KHDRBS2: variants seen among roughly 807,000 people sequenced by gnomAD.
KHDRBS2 encodes KH RNA binding domain containing, signal transduction associated 2, also known as KH domain-containing, RNA-binding, signal transduction-associated protein 2.
Under a neutral mutation model 44.3 loss-of-function variants are expected in KHDRBS2, and 26 were observed. The observed-to-expected ratio is 0.59, with a 90% CI of 0.43 to 0.81. The LOEUF (loss-of-function observed/expected upper bound fraction) is 0.81. Among genes scored for constraint, KHDRBS2 ranks in the 40% least tolerant of loss-of-function variants. KHDRBS2 has a pLI of 0.00. For missense variants in KHDRBS2, 476 were observed against 433.1 expected (o/e 1.10, Z -0.88); for synonymous variants, 194 against 151.1 (o/e 1.28, Z -2.08).
At position 62,073,466 on chromosome 6, in the gene KHDRBS2, G is replaced by A. The variant is rs751592356; in HGVS notation, c.220-25472C>T. The stretch of plus-strand genomic sequence containing the variant: ...GTCTCTTTTTCCTTTCAGTCTAATT[G>A]TTTGCTAATTTTGCTCATCTTTACA... On this transcript the variant is annotated intron_variant, in intron 2 of 8. Coordinates refer to ENST00000281156, the MANE Select transcript of KHDRBS2 (RefSeq NM_152688.4). 2.1e-4 allele frequency among the ~76,000 whole-genome samples: 31 copies of A among 145,590 alleles called. 1 individual carries two copies. Among genetic ancestry groups the A allele is most frequent in the Non-Finnish European group, 3.8e-4 (25 of 66,246 alleles).
Position 61,697,232 on chromosome 6 carries a change from G to T in KHDRBS2, c.915C>A (p.Tyr305Ter). The T allele has an allele frequency of 6.2e-7, 1 of 1,608,024 alleles. No homozygotes were observed. The highest frequency in any genetic ancestry group is 8.5e-7 in the Non-Finnish European group (1 of 1,174,710). The change falls in exon 8 of 9, where the codon TAC (tyrosine) becomes TAA (stop). Residue 305 changes from tyrosine (Y) to a stop codon, truncating the protein, a stop_gained. Transcript: ENST00000281156. LOFTEE classifies it high-confidence loss of function. ...QTQSVPEYYD[Y>*]GHGVSEDAYD... ...AGGCATCCTCACTTACTCCATGACC[G>T]TAGTCATAGTATTCAGGCACACTGC...
At chr6:61,984,628 C>T (rs1457495743) in intron 3 of KHDRBS2, among the ~76,000 whole-genome samples, 1 of 152,154 alleles carries the variant, frequency 6.6e-6, no homozygotes, top group Non-Finnish European at 1.5e-5. Context: ...TCAGAACCAT[C>T]CATTCATTAA....
intron 4 of KHDRBS2, among the ~76,000 whole-genome samples, chr6:61,923,793 T>C (rs546071545): frequency 6.6e-6 from 1 of 152,158 alleles, no homozygotes; most frequent in South Asian, 2.1e-4. Context: ...CTAGTCAACA[T>C]TGCACTGGAG....
At chr6:61,852,490 G>T (rs908006744) in intron 6 of KHDRBS2, among the ~76,000 whole-genome samples, 34 of 151,754 alleles carry the variant, frequency 2.2e-4, no homozygotes, top group African/African-American at 7.5e-4. Context: ...TTTGAACCCG[G>T]GAGGCAGAGG....
chr6:61,669,872 C>A, the KHDRBS2 span, among the ~76,000 whole-genome samples: 1 of 150,946 alleles, frequency 6.6e-6, no homozygotes, highest in African/African-American at 2.4e-5. Flanking sequence ...CACAAATCAA[C>A]CTATTGGAAA....
At chr6:61,940,242 CA>C (rs3076276) in intron 4 of KHDRBS2, among the ~76,000 whole-genome samples, 14,283 of 146,166 alleles carry the variant, frequency 0.098, 665 homozygotes, top group Middle Eastern at 0.16. Context: ...AATAAAAGTT[CA>C]AAAAAAAAAA....
chr6:62,098,266 C>G (rs1194092462), intron 2 of KHDRBS2, among the ~76,000 whole-genome samples: 1 of 124,784 alleles, frequency 8.0e-6, no homozygotes, highest in African/African-American at 2.9e-5. Context: ...TTTTTTGTTA[C>G]AAGTTAGAAC....
At chr6:61,738,153 A>G (rs150511983) in intron 6 of KHDRBS2, among the ~76,000 whole-genome samples, 7 of 152,164 alleles carry the variant, frequency 4.6e-5, no homozygotes, top group Non-Finnish European at 7.4e-5. Context: ...TTTCTACTAA[A>G]AAATACTACT....
At chr6:61,909,990 CGGAAATGATACGTAG>C (rs1562422429) in intron 4 of KHDRBS2, among the ~76,000 whole-genome samples, 1 of 152,168 alleles carries the variant, frequency 6.6e-6, no homozygotes, top group African/African-American at 2.4e-5. Flanking sequence ...CAGAAATCAT[CGGAAATGATACGTAG>C]GGAAATGATA....
At chr6:62,067,148 A>G (rs542153350) in intron 2 of KHDRBS2, among the ~76,000 whole-genome samples, 1 of 151,638 alleles carries the variant, frequency 6.6e-6, no homozygotes, top group African/African-American at 2.4e-5. Flanking sequence ...GTTACTTTTT[A>G]CCCAATTCCA....
chr6:61,562,149 TATC>T, the KHDRBS2 span, among the ~76,000 whole-genome samples: 3 of 152,170 alleles, frequency 2.0e-5, no homozygotes, highest in Non-Finnish European at 2.9e-5. Flanking sequence ...AGGGCAAAAA[TATC>T]ATAAAAATTC....
intron 2 of KHDRBS2, among the ~76,000 whole-genome samples, chr6:62,074,176 A>T (rs966483676): frequency 6.6e-6 from 1 of 151,852 alleles, no homozygotes; most frequent in African/African-American, 2.4e-5. Context: ...AGGATCTTAA[A>T]CACAATCTCT....
chr6:62,256,907 C>T (rs1837480640), intron 1 of KHDRBS2, among the ~76,000 whole-genome samples: 1 of 152,020 alleles, frequency 6.6e-6, no homozygotes, highest in Non-Finnish European at 1.5e-5. Context: ...CCAGTGTGTG[C>T]ACCATTAGTT....
intron 1 of KHDRBS2, among the ~76,000 whole-genome samples, chr6:62,194,175 T>A (rs188264603): frequency 5.6e-4 from 85 of 152,222 alleles, no homozygotes; most frequent in African/African-American, 2.0e-3. Flanking sequence ...TACTTCTATG[T>A]TTTTTTCCAG....
chr6:61,879,849 A>G (rs1261367095), intron 6 of KHDRBS2, among the ~76,000 whole-genome samples: 1 of 151,816 alleles, frequency 6.6e-6, no homozygotes, highest in Non-Finnish European at 1.5e-5. Context: ...ATCTCATAAC[A>G]TTATATATCT....
intron 7 of KHDRBS2, among the ~76,000 whole-genome samples, chr6:61,725,933 C>A (rs748066159): frequency 8.5e-5 from 13 of 152,232 alleles, no homozygotes; most frequent in Admixed American, 5.2e-4. Context: ...AGGGACTCCT[C>A]CTAAACTCCT....
At chr6:61,614,229 T>C in the KHDRBS2 span, among the ~76,000 whole-genome samples, 1 of 152,086 alleles carries the variant, frequency 6.6e-6, no homozygotes, top group Non-Finnish European at 1.5e-5. Flanking sequence ...TTACTCTCCT[T>C]CCTGCAATCT....
intron 1 of KHDRBS2, among the ~76,000 whole-genome samples, chr6:62,236,492 T>A (rs1330830121): frequency 6.6e-6 from 1 of 151,978 alleles, no homozygotes. Context: ...TAATTTTATA[T>A]ATTTTTGAGA....
intron 7 of KHDRBS2, 106 bp downstream of exon 7, chr6:61,732,576 A>G: frequency 1.4e-6 from 1 of 717,750 alleles, no homozygotes; most frequent in Non-Finnish European, 2.5e-6. Context: ...ATGGAGAAAA[A>G]ACACTACTAG....
Sources: allele counts gnomAD v4.1 joint callset (sites outside exome capture counted in the v4.1 genomes callset), GRCh38; gene constraint gnomAD v4.1.1; transcripts MANE v1.5; gene names NCBI Gene and HGNC (gene_info 2026-07-23, HGNC 2026-07-21).